The following BUB1 variants were observed in gnomAD, a reference collection of about 807,000 sequenced individuals.
BUB1 encodes BUB1 mitotic checkpoint serine/threonine kinase, also known as mitotic checkpoint serine/threonine-protein kinase BUB1.
A neutral mutation model predicts 135.2 loss-of-function variants in BUB1; 84 were observed. The ratio of observed to expected loss-of-function variants is 0.62; its 90% CI spans 0.52 to 0.74. The LOEUF (loss-of-function observed/expected upper bound fraction) is 0.74, where lower values mean the gene tolerates loss of function less well. Among genes scored for constraint, BUB1 ranks in the 30% least tolerant of loss-of-function variants. The pLI, the probability that BUB1 is intolerant of heterozygous loss-of-function variation, is 0.00. For synonymous variants in BUB1, 403 were observed against 434.4 expected (o/e 0.93, Z 0.90); for missense variants, 1,162 against 1,288.3 (o/e 0.90, Z 1.50).
At chr2:110,641,526 G>T in intron 21 of BUB1, 62 bp from the exon 22 acceptor site, 1 of 1,560,976 alleles carries the variant, frequency 6.4e-7, no homozygotes, top group South Asian at 1.2e-5. Context: ...ATTTCAAATT[G>T]AGAGCTTTGC....
chr2:110,670,277 T>C (rs1341486394), intron 5 of BUB1, among the ~76,000 whole-genome samples: 2 of 151,868 alleles, frequency 1.3e-5, no homozygotes, highest in East Asian at 1.9e-4. Context: ...TAGCCAGGAC[T>C]ACAGATGCCC....
chr2:110,649,503 G>A, intron 18 of BUB1, 126 bp from the exon 19 acceptor site: 2 of 876,678 alleles, frequency 2.3e-6, no homozygotes, highest in Non-Finnish European at 3.3e-6. Context: ...CCTTATAAGA[G>A]TATTAATTCA....
intron 23 of BUB1, chr2:110,640,055 T>C: frequency 1.5e-6 from 1 of 647,028 alleles, no homozygotes; most frequent in South Asian, 1.5e-5. Context: ...TGAAAAGCTC[T>C]GCCCTCCTGA....
chr2:110,670,376 G>A (rs1469321121), intron 5 of BUB1, 149 bp downstream of exon 5: 2 of 785,464 alleles, frequency 2.5e-6, no homozygotes, highest in East Asian at 2.6e-5. Flanking sequence ...GACCCCAGGT[G>A]ATGCACCCAT....
intron 19 of BUB1, among the ~76,000 whole-genome samples, chr2:110,646,130 G>A (rs1159948497): frequency 5.1e-5 from 7 of 137,994 alleles, no homozygotes; most frequent in Non-Finnish European, 1.1e-4. Flanking sequence ...TCAGAAGTTC[G>A]AGACCTGGGC....
chr2:110,655,334 C>T (rs1453727349), intron 16 of BUB1, among the ~76,000 whole-genome samples: 1 of 152,028 alleles, frequency 6.6e-6, no homozygotes, highest in Non-Finnish European at 1.5e-5. Flanking sequence ...GGCTGTTACT[C>T]TTATTAAATT....
At position 110,657,743 on chromosome 2, in the gene BUB1, G is replaced by A. The variant is rs143267507; in HGVS notation, c.1517-98C>T. ...CAAATAAGAAAAAGGACTAACAGCT[G>A]ACAGAAAAGAACTAATATCAGCTTT... On this transcript the variant is annotated intron_variant, in intron 13 of 24. Transcript: ENST00000302759. 1,049 of 817,246 alleles carry A rather than the reference G, an allele frequency of 1.3e-3. 29 individuals are homozygous for A. In the East Asian group the frequency reaches 0.03, roughly 23 times the overall value. 50.6% of individuals were successfully genotyped at this position (817,246 alleles called of 1,614,324 possible). A position where few individuals can be genotyped will look rare whatever the true frequency, so the allele number is the denominator to read the frequency against.
At chr2:110,666,066 C>T in intron 9 of BUB1, 197 bp downstream of exon 9, 1 of 445,612 alleles carries the variant, frequency 2.2e-6, no homozygotes, top group Middle Eastern at 5.3e-4. Flanking sequence ...ACATGTAAAA[C>T]ATACTACCAT....
chr2:110,657,761 T>G, intron 13 of BUB1, 116 bp from the exon 14 acceptor site: 1 of 695,622 alleles, frequency 1.4e-6, no homozygotes, highest in Non-Finnish European at 2.3e-6. Flanking sequence ...AGAACTAATA[T>G]CAGCTTTTCA....
chr2:110,649,209 G>A (rs779396316), intron 19 of BUB1, 25 bp downstream of exon 19: 136 of 1,593,282 alleles, frequency 8.5e-5, no homozygotes, highest in Non-Finnish European at 1.1e-4. Context: ...AGAATTTAAA[G>A]TTATATTATC....
chr2:110,676,885 T>C (rs1690604639), intron 1 of BUB1, among the ~76,000 whole-genome samples: 2 of 152,284 alleles, frequency 1.3e-5, no homozygotes, highest in Middle Eastern at 3.4e-3. Flanking sequence ...GTTCTAAATC[T>C]TCTTTTAGTC....
chr2:110,666,013 T>A, intron 9 of BUB1: 1 of 341,100 alleles, frequency 2.9e-6, no homozygotes, highest in Non-Finnish European at 5.2e-6. Context: ...GAAAAAGGTC[T>A]ATATATAAAT....
chr2:110,643,174 G>C (rs1446105835), intron 19 of BUB1, among the ~76,000 whole-genome samples: 1 of 152,164 alleles, frequency 6.6e-6, no homozygotes, highest in Non-Finnish European at 1.5e-5. Context: ...AGAGAACTGA[G>C]GTCAAAGGAC....
At position 110,639,829 on chromosome 2, in the gene BUB1, G is replaced by A; in HGVS notation, c.2975C>T (p.Ala992Val). ...WNYQIDYFGVAATVYCMLFGT... is the reference protein window; with the variant it reads ...WNYQIDYFGVVATVYCMLFGT... ...AAAGAGCATGCAATATACTGTTGCA[G>A]CAACCCCAAAGTAATCGATCTATGA... The change falls in exon 24 of 25, where the codon GCT (alanine) becomes GTT (valine). Residue 992 changes from alanine to valine, a missense_variant. Ala to Val is a moderately conservative substitution (Grantham distance 64, BLOSUM62 0). Coordinates refer to ENST00000302759, the MANE Select transcript of BUB1 (RefSeq NM_004336.5). 2 of 1,613,628 alleles carry A rather than the reference G, an allele frequency of 1.2e-6. No homozygotes were observed. Among genetic ancestry groups the A allele is most frequent in the Non-Finnish European group, 1.7e-6 (2 of 1,179,608 alleles).
chr2:110,641,351 G>A lies in BUB1; in HGVS notation c.2739C>T (p.Ile913=), dbSNP rs1032352314. The A allele has an allele frequency of 6.2e-7, 1 of 1,613,546 alleles. No individual in the cohort carries two copies. Among genetic ancestry groups the A allele is most frequent in the Non-Finnish European group, 8.5e-7 (1 of 1,179,846 alleles). Residue 913 remains isoleucine, a synonymous_variant, in exon 22 of 25, where the codon ATC becomes ATT. Transcript: ENST00000302759. ...TGTCTGGTTTAATGTCTCCATGAAT[G>A]ATTTCACAGTCATGCACTTGCTCAA... is the stretch of plus-strand genomic sequence containing the variant. ...YMIEQVHDCE[I]IHGDIKPDNF... is the part of the protein sequence containing the mutation.
intron 1 of BUB1, among the ~76,000 whole-genome samples, 186 bp from the exon 2 acceptor site, chr2:110,674,551 A>G (rs1036068567): frequency 1.3e-5 from 2 of 152,256 alleles, no homozygotes; most frequent in Non-Finnish European, 2.9e-5. Context: ...ATAGTATTTA[A>G]AATTTTAAGA....
At chr2:110,656,828 T>C (rs1689947522) in intron 15 of BUB1, among the ~76,000 whole-genome samples, 1 of 152,224 alleles carries the variant, frequency 6.6e-6, no homozygotes, top group South Asian at 2.1e-4. Context: ...ATAAATAATT[T>C]TGGTAGGACA....
At position 110,637,659 on chromosome 2, in the gene BUB1, G is replaced by A. The variant is rs1018753805; in HGVS notation, c.*305C>T. ...CAAACTTCAAATTTGGAAAATAGCT[G>A]TCTTGGCCCTTTTTTGGCTTAAACA... On this transcript the variant is annotated 3_prime_UTR_variant, in exon 25 of 25. Coordinates refer to ENST00000302759, the MANE Select transcript of BUB1 (RefSeq NM_004336.5). 4 of 189,866 alleles carry A rather than the reference G, an allele frequency of 2.1e-5. No individual in the cohort carries two copies. The highest frequency in any genetic ancestry group is 4.3e-5 in the Non-Finnish European group (4 of 94,024). The allele number at this position is 189,866 out of a possible 1,614,324, so 11.8% of individuals were successfully genotyped here. A position where few individuals can be genotyped will look rare whatever the true frequency, so the allele number is the denominator to read the frequency against.
chr2:110,661,420 A>G, intron 10 of BUB1, 162 bp downstream of exon 10: 1 of 800,962 alleles, frequency 1.2e-6, no homozygotes, highest in Non-Finnish European at 1.9e-6. Flanking sequence ...AAGGATTGGG[A>G]GCAATGTTTT....
Sources: gnomAD v4.1 joint callset for allele counts (sites outside exome capture counted in the v4.1 genomes callset) on GRCh38, gnomAD v4.1.1 for gene constraint, MANE v1.5 for transcripts, NCBI Gene and HGNC (gene_info 2026-07-23, HGNC 2026-07-21) for gene names.